Variants in PCDHGB6 observed in about 807,000 individuals in gnomAD.
PCDHGB6 encodes protocadherin gamma-B6.
Under a neutral mutation model 59.1 loss-of-function variants are expected in PCDHGB6, and 51 were observed. The ratio of observed to expected loss-of-function variants is 0.86; its 90% confidence interval spans 0.69 to 1.09. The LOEUF (loss-of-function observed/expected upper bound fraction) is 1.09. PCDHGB6 is among the 50% of genes least tolerant of loss of function. The pLI is 0.00. For synonymous variants in PCDHGB6, 466 were observed against 495.1 expected (o/e 0.94, Z 0.78); for missense variants, 1,148 against 1,205.1 (o/e 0.95, Z 0.70).
intron 1 of PCDHGB6, among the ~76,000 whole-genome samples, chr5:141,473,033 G>A (rs1199215390): frequency 1.4e-5 from 2 of 146,282 alleles, no homozygotes. Flanking sequence ...AAGGAAGGAA[G>A]GAAAGAAAGA....
At position 141,462,908 on chromosome 5, in the gene PCDHGB6, T is replaced by G. The variant is rs186061013; in HGVS notation, c.2419-31899T>G. ...AGTTTGTTTTGGAAGGCTATTATGT[T>G]TTTTGCAGATCAGGTTGATCTTTTC... On this transcript the variant is annotated intron_variant, in intron 1 of 3. Coordinates refer to ENST00000520790, the MANE Select transcript of PCDHGB6 (RefSeq NM_018926.3). Among the ~76,000 whole-genome samples the G allele has an allele frequency of 1.4e-4, 21 of 152,362 alleles. No individual in the cohort carries two copies. The East Asian group carries it at 3.5e-3, about 25-fold the overall frequency.
chr5:141,421,092 C>T, intron 1 of PCDHGB6: 1 of 663,988 alleles, frequency 1.5e-6, no homozygotes, highest in Non-Finnish European at 2.5e-6. Flanking sequence ...CAGATCCTGA[C>T]ACTGGAGACT....
chr5:141,494,639 C>T, intron 1 of PCDHGB6, 168 bp from the exon 2 acceptor site: 1 of 901,070 alleles, frequency 1.1e-6, no homozygotes, highest in Non-Finnish European at 1.3e-6. Flanking sequence ...ACCTCTGAGA[C>T]CTGAGGTGTA....
intron 1 of PCDHGB6, among the ~76,000 whole-genome samples, chr5:141,463,911 T>C (rs749224024): frequency 6.6e-6 from 1 of 152,156 alleles, no homozygotes; most frequent in African/African-American, 2.4e-5. Context: ...TAATAATATA[T>C]CCTGGAAATC....
In PCDHGB6 at chr5:141,476,351, G is replaced by A; in HGVS notation, c.2419-18456G>A. The A allele has an allele frequency of 1.2e-6, 2 of 1,614,182 alleles. No individual in the cohort carries two copies. The highest frequency in any genetic ancestry group is 1.7e-6 in the Non-Finnish European group (2 of 1,180,046). ...TGGAGCTAGCCGAAGATTCTTTGAG[G>A]TGAACCGGGAGACCGGAGAGATGTT... On this transcript the variant is annotated intron_variant, in intron 1 of 3. Coordinates refer to ENST00000520790, the MANE Select transcript of PCDHGB6 (RefSeq NM_018926.3). This position sits in a 1 kb window ranked among gnomAD's most constrained non-coding sequence, Gnocchi z 7.6.
At position 141,511,871 on chromosome 5, in the gene PCDHGB6, A is replaced by T. The variant is rs1306732557; in HGVS notation, c.*698A>T. On this transcript the variant is annotated 3_prime_UTR_variant, in exon 4 of 4. Coordinates refer to ENST00000520790, the MANE Select transcript of PCDHGB6 (RefSeq NM_018926.3). ...TTGTTTTTCATTGTTTGACGTTTCCACTGCATGCCTTGACTTCCCCCACCT... is the reference window on the plus strand; with the variant it reads ...TTGTTTTTCATTGTTTGACGTTTCCTCTGCATGCCTTGACTTCCCCCACCT... 1 of 156,376 alleles carries T rather than the reference A, an allele frequency of 6.4e-6. No homozygotes were observed. The highest frequency in any genetic ancestry group is 1.9e-4 in the East Asian group (1 of 5,268). 9.7% of individuals were successfully genotyped at this position (156,376 alleles called of 1,614,324 possible).
rs776990737 is a variant in PCDHGB6 at position 141,410,458 on chromosome 5, T to C, written c.2256T>C (p.Tyr752=). 5.6e-6 allele frequency: 9 copies of C among 1,613,922 alleles called. No individual in the cohort carries two copies. The highest frequency in any genetic ancestry group is 3.3e-4 in the Middle Eastern group (2 of 6,084). ...NYSEGTLPYS[Y]NLCIAHTGTK... ...GTGAGGGGACTTTGCCTTATTCTTA[T>C]AATCTGTGCATTGCACATACGGGTA... is the stretch of plus-strand genomic sequence containing the variant. Residue 752 remains tyrosine (Y), a synonymous_variant, in exon 1 of 4, where the codon TAT becomes TAC. Coordinates refer to ENST00000520790, the MANE Select transcript of PCDHGB6 (RefSeq NM_018926.3).
chr5:141,408,871 T>C lies in PCDHGB6; in HGVS notation c.669T>C (p.Ser223=). 1.2e-6 allele frequency: 2 copies of C among 1,612,784 alleles called. No homozygotes were observed. Among genetic ancestry groups the C allele is most frequent in the Non-Finnish European group, 1.7e-6 (2 of 1,179,586 alleles). Residue 223 remains serine, a synonymous_variant, in exon 1 of 4, where the codon AGT becomes AGC. Transcript: ENST00000520790. ...TGGACGGAGGGGACCCACCAAGAAGTGCCACCGCTCACATAGAAATTTCTG... is the reference window on the plus strand; with the variant it reads ...TGGACGGAGGGGACCCACCAAGAAGCGCCACCGCTCACATAGAAATTTCTG... The part of the protein sequence containing the change: ...TALDGGDPPR[S]ATAHIEISVK...
intron 3 of PCDHGB6, 133 bp downstream of exon 3, chr5:141,505,614 AC>A: frequency 6.6e-7 from 1 of 1,510,758 alleles, no homozygotes; most frequent in Non-Finnish European, 8.9e-7. Flanking sequence ...GTCTGAAAGG[AC>A]CCACAATTCC....
chr5:141,453,609 G>A (rs1208329212), intron 1 of PCDHGB6, among the ~76,000 whole-genome samples: 3 of 151,900 alleles, frequency 2.0e-5, no homozygotes, highest in South Asian at 4.2e-4. Context: ...TTTGCAAAAC[G>A]CAAAAACAAA....
At chr5:141,448,707 G>A (rs1455790773) in intron 1 of PCDHGB6, among the ~76,000 whole-genome samples, 4 of 152,228 alleles carry the variant, frequency 2.6e-5, no homozygotes, top group South Asian at 2.1e-4. Flanking sequence ...TTGGGAGGCC[G>A]AGGCGGGAGG....
At chr5:141,475,553 TTGTC>T (rs2099365287) in intron 1 of PCDHGB6, among the ~76,000 whole-genome samples, 2 of 152,260 alleles carry the variant, frequency 1.3e-5, no homozygotes, top group Non-Finnish European at 2.9e-5. Context: ...GTCCGGCTAA[TTGTC>T]TGTCTTCCAA....
At position 141,432,646 on chromosome 5, in the gene PCDHGB6, G is replaced by A. The variant is rs780822589; in HGVS notation, c.2418+22026G>A. 9.3e-6 allele frequency: 15 copies of A among 1,613,690 alleles called. No individual in the cohort carries two copies. The highest frequency in any genetic ancestry group is 1.3e-5 in the Non-Finnish European group (15 of 1,179,944). ...TGCACACGGGCGAGGTGCGCACGGCGCGAGCCCTGCTGGACAGAGACGCGC... is the reference window on the plus strand; with the variant it reads ...TGCACACGGGCGAGGTGCGCACGGCACGAGCCCTGCTGGACAGAGACGCGC... On this transcript the variant is annotated intron_variant, in intron 1 of 3. Transcript: ENST00000520790. This position sits in a 1 kb window ranked among gnomAD's most constrained non-coding sequence, Gnocchi z 6.0.
rs142590218 is a variant in PCDHGB6, at chr5:141,489,982, C to T, written c.2419-4825C>T. On this transcript the variant is annotated intron_variant, in intron 1 of 3. Coordinates refer to ENST00000520790, the MANE Select transcript of PCDHGB6 (RefSeq NM_018926.3). This position sits in a 1 kb window ranked among gnomAD's most constrained non-coding sequence, Gnocchi z 4.5. ...TCCAACCTTCCAATCCTCAGTTCTA[C>T]GTGTGGGAATCCCAGAGAATGCACC... The T allele has an allele frequency of 2.9e-5, 47 of 1,614,010 alleles. No individual in the cohort carries two copies. The highest frequency in any genetic ancestry group is 3.7e-5 in the Non-Finnish European group (44 of 1,179,964).
intron 1 of PCDHGB6, among the ~76,000 whole-genome samples, chr5:141,449,677 A>G (rs543079734): frequency 6.3e-4 from 96 of 151,362 alleles, no homozygotes; most frequent in Non-Finnish European, 1.1e-3. Flanking sequence ...GTGTATGTAT[A>G]TATGTTTGTG....
At chr5:141,506,240 G>A (rs918820495) in intron 3 of PCDHGB6, among the ~76,000 whole-genome samples, 8 of 152,184 alleles carry the variant, frequency 5.3e-5, no homozygotes, top group Middle Eastern at 3.4e-3. Flanking sequence ...CATGAGGTCA[G>A]GAGTTCGAAA....
At chr5:141,492,512 T>A (rs2099741406) in intron 1 of PCDHGB6, among the ~76,000 whole-genome samples, 1 of 152,116 alleles carries the variant, frequency 6.6e-6, no homozygotes, top group Admixed American at 6.5e-5. Flanking sequence ...GAGCCTCCTC[T>A]CACCTCTCCC....
At chr5:141,419,084 G>A in intron 1 of PCDHGB6, 2 of 1,613,920 alleles carry the variant, frequency 1.2e-6, no homozygotes, top group Non-Finnish European at 1.7e-6. Flanking sequence ...AACAGATGAG[G>A]CCCTGGATCG....
chr5:141,438,054 T>C (rs1451843979), intron 1 of PCDHGB6, among the ~76,000 whole-genome samples: 2 of 152,182 alleles, frequency 1.3e-5, no homozygotes, highest in African/African-American at 4.8e-5. Flanking sequence ...TTGAGTTCAC[T>C]TTTAAGAAAC....
Sources: gnomAD v4.1 joint callset for allele counts (sites outside exome capture counted in the v4.1 genomes callset) on GRCh38, gnomAD v4.1.1 for gene constraint, Gnocchi (gnomAD v3.1) non-coding constraint, MANE v1.5 for transcripts, NCBI Gene and HGNC (gene_info 2026-07-23, HGNC 2026-07-21) for gene names.